Variants in GALK2 observed in about 807,000 individuals in gnomAD.
GALK2 encodes N-acetylgalactosamine kinase.
GALK2 carries 36 observed loss-of-function variants against 52.4 expected under a neutral mutation model. The observed-to-expected ratio is 0.69, with a 90% CI of 0.53 to 0.91. The LOEUF (loss-of-function observed/expected upper bound fraction) is 0.91. Among genes scored for constraint, GALK2 ranks in the 40% least tolerant of loss-of-function variants. The pLI is 0.00. For synonymous variants in GALK2, 176 were observed against 199.1 expected (o/e 0.88, Z 0.98); for missense variants, 579 against 559.1 (o/e 1.04, Z -0.36).
At chr15:49,165,898 G>A (rs192140225), upstream of GALK2, among the ~76,000 whole-genome samples, 957 of 151,362 alleles carry the variant, frequency 6.3e-3, 15 homozygotes, top group African/African-American at 0.022. Flanking sequence ...CGCCTCCCAG[G>A]TTCACGCCAT....
At chr15:49,268,655 T>A (rs1478301844) in intron 5 of GALK2, among the ~76,000 whole-genome samples, 1 of 152,228 alleles carries the variant, frequency 6.6e-6, no homozygotes, top group Non-Finnish European at 1.5e-5. Flanking sequence ...GCCAGGGTTC[T>A]ATCCTTACTG....
chr15:49,277,229 C>T (rs1240348366), intron 5 of GALK2, among the ~76,000 whole-genome samples: 2 of 111,154 alleles, frequency 1.8e-5, no homozygotes, highest in African/African-American at 6.5e-5. Flanking sequence ...AGTGCAGTGG[C>T]GGGATCTCGG....
In GALK2 at chr15:49,235,892, C is replaced by G. The variant is rs1485556237; in HGVS notation, c.308C>G (p.Thr103Ser). The G allele has an allele frequency of 1.2e-6, 2 of 1,613,750 alleles. No homozygotes were observed. Among genetic ancestry groups the G allele is most frequent in the South Asian group, 1.1e-5 (1 of 91,076 alleles). The change falls in exon 4 of 10, where the codon ACC (threonine) becomes AGC (serine). Residue 103 changes from threonine to serine, a missense_variant. Physicochemically the swap from Thr to Ser is moderately conservative, Grantham distance 58. Coordinates refer to ENST00000560031, the MANE Select transcript of GALK2 (RefSeq NM_002044.4). ...TSANNIQIDK[T>S]KPLWHNYFLC... ...GCTAATAACATCCAGATTGATAAAACCAAGCCTTTGTGGCACAACTATTTC... is the reference window on the plus strand; with the variant it reads ...GCTAATAACATCCAGATTGATAAAAGCAAGCCTTTGTGGCACAACTATTTC...
At position 49,339,715 on chromosome 15, in the gene GALK2, T is replaced by C. The variant is rs563471808; in HGVS notation, c.426+19910T>C. Among the ~76,000 whole-genome samples the C allele has an allele frequency of 2.8e-3, 429 of 152,350 alleles. 4 individuals are homozygous for C. The highest frequency in any genetic ancestry group is 9.9e-3 in the African/African-American group (413 of 41,582). Reference sequence around the variant, plus strand: ...TATGGACGTTTAAGTTTGCTGAAGCTGTGCCTACAACCGCCCCTTGCCCCA... The same window carrying C: ...TATGGACGTTTAAGTTTGCTGAAGCCGTGCCTACAACCGCCCCTTGCCCCA... On this transcript the variant is annotated intron_variant, in intron 3 of 3. Coordinates refer to the GALK2 transcript ENST00000558399.
At position 49,330,563 on chromosome 15, in the gene GALK2, T is replaced by TC. The variant is rs1277650213; in HGVS notation, c.*2404_*2405insC. 1 of 152,204 alleles carries TC rather than the reference T, an allele frequency of 6.6e-6. No individual in the cohort carries two copies. Among genetic ancestry groups the TC allele is most frequent in the Non-Finnish European group, 1.5e-5 (1 of 68,034 alleles). The allele number at this position is 152,204 out of a possible 1,614,324, so 9.4% of individuals were successfully genotyped here. A position where few individuals can be genotyped will look rare whatever the true frequency, so the allele number is the denominator to read the frequency against. On this transcript the variant is annotated 3_prime_UTR_variant, in exon 10 of 10. Transcript: ENST00000560031. ...GCTGCCTTGTTAGATGAGGCATGGC[T>TC]ATCCAGTGCGCTACAGTTTCCACAA...
downstream of GALK2, among the ~76,000 whole-genome samples, chr15:49,332,087 C>CCCCACACA (rs907403896): frequency 7.8e-6 from 1 of 127,854 alleles, no homozygotes; most frequent in African/African-American, 2.6e-5. Flanking sequence ...TGCACACGTG[C>CCCCACACA]CACACACACA....
chr15:49,195,785 A>G (rs369488185), intron 1 of GALK2, among the ~76,000 whole-genome samples: 10 of 150,914 alleles, frequency 6.6e-5, no homozygotes, highest in African/African-American at 2.2e-4. Flanking sequence ...GAGGATTTCT[A>G]CATGTGGTTT....
intron 9 of GALK2, among the ~76,000 whole-genome samples, chr15:49,325,617 C>T (rs552152256): frequency 2.6e-4 from 39 of 152,370 alleles, no homozygotes; most frequent in Admixed American, 2.0e-3. Context: ...TATACAGCTG[C>T]GCAGGCTGCT....
In GALK2 at chr15:49,235,874, A is replaced by G; in HGVS notation, c.290A>G (p.Asn97Ser). Residue 97 changes from asparagine to serine, a missense_variant, in exon 4 of 10, where the codon AAC becomes AGC. Coordinates refer to ENST00000560031, the MANE Select transcript of GALK2 (RefSeq NM_002044.4). The part of the protein sequence containing the change: ...LYPDFSTSAN[N>S]IQIDKTKPLW... ...AGGGACTTCAGTACTAGTGCTAATA[A>G]CATCCAGATTGATAAAACCAAGCCT... 1 of 1,613,184 alleles carries G rather than the reference A, an allele frequency of 6.2e-7. No individual in the cohort carries two copies. The highest frequency in any genetic ancestry group is 8.5e-7 in the Non-Finnish European group (1 of 1,179,144).
chr15:49,289,749 C>G (rs2033747277), intron 7 of GALK2, among the ~76,000 whole-genome samples: 1 of 152,164 alleles, frequency 6.6e-6, no homozygotes, highest in Admixed American at 6.5e-5. Context: ...ACTTTCCATT[C>G]CTCTCTTAAT....
chr15:49,212,157 A>G (rs1225693339), intron 2 of GALK2, among the ~76,000 whole-genome samples: 1 of 152,180 alleles, frequency 6.6e-6, no homozygotes, highest in Non-Finnish European at 1.5e-5. Context: ...CAGTGGCGCT[A>G]TCTCAACTCA....
At position 49,239,220 on chromosome 15, in the gene GALK2, G is replaced by A. The variant is rs2090979269; in HGVS notation, c.358-1G>A. 5.0e-6 allele frequency: 8 copies of A among 1,613,396 alleles called. No homozygotes were observed. Among genetic ancestry groups the A allele is most frequent in the Non-Finnish European group, 6.8e-6 (8 of 1,179,500 alleles). ...GTTGCTGTTTTTCCTTATATTCTTA[G>A]GAACACTTTGGTCTTAGTAACCTGA... On this transcript the variant is annotated splice_acceptor_variant, in intron 4 of 9. Transcript: ENST00000560031. LOFTEE classifies it high-confidence loss of function.
At chr15:49,241,264 T>C (rs1296608191) in intron 5 of GALK2, among the ~76,000 whole-genome samples, 1 of 152,172 alleles carries the variant, frequency 6.6e-6, no homozygotes, top group Non-Finnish European at 1.5e-5. Flanking sequence ...TAGTTTATCA[T>C]TGTTTTTGAA....
chr15:49,361,494 T>C (rs2044233677), intron 3 of GALK2, among the ~76,000 whole-genome samples: 1 of 152,112 alleles, frequency 6.6e-6, no homozygotes, highest in South Asian at 2.1e-4. Context: ...TGAGAACATG[T>C]GGTTTTAGTT....
intron 5 of GALK2, among the ~76,000 whole-genome samples, chr15:49,240,246 T>C (rs1413695715): frequency 6.6e-6 from 1 of 152,128 alleles, no homozygotes; most frequent in Non-Finnish European, 1.5e-5. Flanking sequence ...TACATATTAT[T>C]ATTATTTTTT....
At chr15:49,344,773 C>T (rs1329219555) in intron 3 of GALK2, among the ~76,000 whole-genome samples, 1 of 152,156 alleles carries the variant, frequency 6.6e-6, no homozygotes, top group Non-Finnish European at 1.5e-5. Context: ...GTCTGGCAGC[C>T]TTCAAATAAA....
At chr15:49,157,822 G>C (rs975267164) in intron 1 of GALK2, among the ~76,000 whole-genome samples, 5 of 152,152 alleles carry the variant, frequency 3.3e-5, no homozygotes, top group African/African-American at 1.2e-4. Flanking sequence ...TTGAGTAAGA[G>C]TGTGTGAGTT....
At chr15:49,158,105 A>G (rs900987654) in intron 1 of GALK2, among the ~76,000 whole-genome samples, 5 of 152,132 alleles carry the variant, frequency 3.3e-5, no homozygotes, top group Non-Finnish European at 5.9e-5. Context: ...AAATCCTAGT[A>G]GTGTGTTTTT....
At chr15:49,351,833 A>G (rs886151621) in intron 3 of GALK2, among the ~76,000 whole-genome samples, 4 of 152,244 alleles carry the variant, frequency 2.6e-5, no homozygotes, top group Admixed American at 6.5e-5. Flanking sequence ...ATCTTTGTAC[A>G]TCACCTTAGT....
Sources: allele counts gnomAD v4.1 joint callset (sites outside exome capture counted in the v4.1 genomes callset), GRCh38; gene constraint gnomAD v4.1.1; transcripts MANE v1.5; gene names NCBI Gene and HGNC (gene_info 2026-07-23, HGNC 2026-07-21).